The following SGCZ variants were observed in gnomAD, a reference collection of about 807,000 sequenced individuals.
SGCZ encodes the protein sarcoglycan zeta.
In SGCZ, 40 loss-of-function variants were observed where a neutral mutation model predicts 41.3. The ratio of observed to expected loss-of-function variants is 0.97; its 90% CI spans 0.75 to 1.26. SGCZ has a LOEUF of 1.26. SGCZ is among the 50% of genes most tolerant of loss of function. SGCZ has a pLI of 0.00. For synonymous variants in SGCZ, 206 were observed against 137.5 expected (o/e 1.50, Z -3.49); for missense variants, 552 against 369.8 (o/e 1.49, Z -4.04).
intron 2 of SGCZ, among the ~76,000 whole-genome samples, chr8:14,468,763 T>C (rs1801125812): frequency 6.6e-6 from 1 of 152,102 alleles, no homozygotes; most frequent in African/African-American, 2.4e-5. Flanking sequence ...TCAGTAACTC[T>C]CCATAAAATT....
At chr8:14,700,270 C>G (rs901431848) in intron 1 of SGCZ, among the ~76,000 whole-genome samples, 1 of 152,000 alleles carries the variant, frequency 6.6e-6, no homozygotes, top group Non-Finnish European at 1.5e-5. Context: ...GGATACTACA[C>G]AGCCATAGAA....
intron 1 of SGCZ, among the ~76,000 whole-genome samples, chr8:14,735,580 G>C (rs1319626288): frequency 1.3e-5 from 2 of 152,100 alleles, no homozygotes; most frequent in Admixed American, 1.3e-4. Context: ...CCCTACTTTT[G>C]AGGATTTTGG....
chr8:14,242,096 C>T (rs181193966), intron 3 of SGCZ, among the ~76,000 whole-genome samples: 327 of 152,202 alleles, frequency 2.1e-3, no homozygotes, highest in Middle Eastern at 0.01. Context: ...AGATAATTAA[C>T]AATCATACAA....
intron 1 of SGCZ, among the ~76,000 whole-genome samples, chr8:14,719,186 T>C (rs35766274): frequency 0.35 from 51,893 of 146,740 alleles, 10,919 homozygotes; most frequent in African/African-American, 0.59. Flanking sequence ...CATGAACTCA[T>C]CATTTTTTAT....
At chr8:14,107,112 A>G (rs2116997377) in intron 6 of SGCZ, among the ~76,000 whole-genome samples, 1 of 152,118 alleles carries the variant, frequency 6.6e-6, no homozygotes, top group African/African-American at 2.4e-5. Context: ...GCTACTCGAG[A>G]GGCTGAGGCA....
intron 1 of SGCZ, among the ~76,000 whole-genome samples, chr8:14,711,979 C>A (rs756160860): frequency 3.3e-5 from 5 of 152,114 alleles, no homozygotes; most frequent in Non-Finnish European, 5.9e-5. Context: ...AAAACTAAAG[C>A]TTAACCAGGC....
chr8:14,782,195 A>C (rs1178934599), intron 1 of SGCZ, among the ~76,000 whole-genome samples: 1 of 152,188 alleles, frequency 6.6e-6, no homozygotes, highest in Non-Finnish European at 1.5e-5. Context: ...GAAATCTATA[A>C]TCTATGCTAA....
At chr8:14,212,430 C>A (rs1478829719) in intron 4 of SGCZ, among the ~76,000 whole-genome samples, 1 of 148,970 alleles carries the variant, frequency 6.7e-6, no homozygotes, top group Admixed American at 6.8e-5. Flanking sequence ...ATCCCCCTGC[C>A]TCTTCAAAGA....
At chr8:14,564,433 C>T (rs980978241) in intron 1 of SGCZ, among the ~76,000 whole-genome samples, 1 of 152,144 alleles carries the variant, frequency 6.6e-6, no homozygotes, top group African/African-American at 2.4e-5. Flanking sequence ...CCAGCTTGTC[C>T]ATTGCCTTCT....
At chr8:15,054,473 G>A (rs1804630921) in intron 1 of SGCZ, among the ~76,000 whole-genome samples, 1 of 144,700 alleles carries the variant, frequency 6.9e-6, no homozygotes, top group African/African-American at 2.6e-5. Flanking sequence ...GTGCTGCAAT[G>A]AGAAACAATA....
At chr8:14,182,679 G>A (rs1704847134) in intron 4 of SGCZ, among the ~76,000 whole-genome samples, 1 of 152,162 alleles carries the variant, frequency 6.6e-6, no homozygotes, top group African/African-American at 2.4e-5. Flanking sequence ...TGTTAGATCA[G>A]TGATGACAAA....
chr8:14,634,446 A>G (rs1806762157), intron 1 of SGCZ, among the ~76,000 whole-genome samples: 1 of 151,876 alleles, frequency 6.6e-6, no homozygotes, highest in African/African-American at 2.4e-5. Flanking sequence ...GCCACTTAAT[A>G]TGAATTAAAA....
At chr8:15,057,924 T>C (rs1394745762) in intron 1 of SGCZ, among the ~76,000 whole-genome samples, 1 of 152,238 alleles carries the variant, frequency 6.6e-6, no homozygotes, top group Non-Finnish European at 1.5e-5. Flanking sequence ...AGCCTAGTTC[T>C]AGGTGGTGAA....
chr8:15,148,252 A>G (rs1443005972), intron 1 of SGCZ, among the ~76,000 whole-genome samples: 1 of 152,194 alleles, frequency 6.6e-6, no homozygotes, highest in African/African-American at 2.4e-5. Context: ...ATGTGAGTCA[A>G]TATTGGGGAA....
chr8:14,935,568 T>C (rs971434149), intron 1 of SGCZ, among the ~76,000 whole-genome samples: 1 of 151,900 alleles, frequency 6.6e-6, no homozygotes, highest in African/African-American at 2.4e-5. Flanking sequence ...TTGAATCACT[T>C]TGATCAAGAA....
intron 1 of SGCZ, among the ~76,000 whole-genome samples, chr8:15,236,311 G>T (rs548903045): frequency 1.3e-5 from 2 of 152,304 alleles, no homozygotes; most frequent in Admixed American, 6.5e-5. Flanking sequence ...CCTGGCCAGG[G>T]CACAGGACAG....
chr8:14,514,813 G>GTGTGTGTA (rs1490070343), intron 2 of SGCZ, among the ~76,000 whole-genome samples: 1 of 24,934 alleles, frequency 4.0e-5, no homozygotes, highest in African/African-American at 1.3e-4. Context: ...GTGTGTGTGT[G>GTGTGTGTA]TATATATACA....
chr8:14,506,597 A>C (rs1212449628), intron 2 of SGCZ, among the ~76,000 whole-genome samples: 1 of 152,128 alleles, frequency 6.6e-6, no homozygotes, highest in East Asian at 1.9e-4. Flanking sequence ...AAACCTTGAC[A>C]AAATTTTCTT....
chr8:15,160,057 G>A (rs72607339), intron 1 of SGCZ, among the ~76,000 whole-genome samples: 36,184 of 151,502 alleles, frequency 0.24, 4,727 homozygotes, highest in East Asian at 0.55. Context: ...TTACCATATT[G>A]GCCCATTTTT....
Sources: allele counts gnomAD v4.1 joint callset (sites outside exome capture counted in the v4.1 genomes callset), GRCh38; gene constraint gnomAD v4.1.1; transcripts MANE v1.5; gene names NCBI Gene and HGNC (gene_info 2026-07-23, HGNC 2026-07-21).